The following DPF3 variants were observed in gnomAD, a reference collection of about 807,000 sequenced individuals.
DPF3 encodes zinc finger protein DPF3.
Under a neutral mutation model 56.8 loss-of-function variants are expected in DPF3, and 18 were observed. The ratio of observed to expected loss-of-function variants is 0.32; its 90% CI spans 0.22 to 0.47. DPF3 has a LOEUF of 0.47. Among genes scored for constraint, DPF3 ranks in the 20% least tolerant of loss-of-function variants. The pLI is 1.00. For missense variants in DPF3, 403 were observed against 488.8 expected (o/e 0.82, Z 1.65); for synonymous variants, 188 against 180.2 (o/e 1.04, Z -0.35).
At chr14:72,620,318 G>A (rs956396247) in intron 9 of DPF3, among the ~76,000 whole-genome samples, 4 of 152,170 alleles carry the variant, frequency 2.6e-5, no homozygotes, top group African/African-American at 9.7e-5. Flanking sequence ...CAATAGCTCT[G>A]CTTCCAAAGG....
intron 8 of DPF3, chr14:72,671,504 A>C: frequency 1.0e-6 from 1 of 993,540 alleles, no homozygotes; most frequent in Non-Finnish European, 1.6e-6. Flanking sequence ...ATTTGGGACA[A>C]AGCAAACATT....
chr14:72,612,303 G>C lies in DPF3; in HGVS notation c.*6994C>G, dbSNP rs371495183. Among the ~76,000 whole-genome samples the C allele has an allele frequency of 2.0e-5, 3 of 152,128 alleles. No homozygotes were observed. The highest frequency in any genetic ancestry group is 4.4e-5 in the Non-Finnish European group (3 of 68,020). Reference sequence around the variant, plus strand: ...AATGCCATGTGGACCAGACGCATTGGTGAGCCAGGGACGCCCTGCCTACCT... The same window carrying C: ...AATGCCATGTGGACCAGACGCATTGCTGAGCCAGGGACGCCCTGCCTACCT... On this transcript the variant is annotated 3_prime_UTR_variant, in exon 11 of 11. Transcript: ENST00000556509.
intron 8 of DPF3, among the ~76,000 whole-genome samples, chr14:72,657,560 G>A (rs1412824551): frequency 6.6e-6 from 1 of 152,168 alleles, no homozygotes; most frequent in Non-Finnish European, 1.5e-5. Context: ...AAATGCATCA[G>A]TAGCCTTTCA....
chr14:72,732,041 G>A, intron 3 of DPF3, 107 bp from the exon 4 acceptor site: 5 of 1,410,344 alleles, frequency 3.5e-6, no homozygotes, highest in Non-Finnish European at 4.7e-6. Flanking sequence ...GAGGACTCGG[G>A]GCCTGTGCTC....
intron 1 of DPF3, among the ~76,000 whole-genome samples, chr14:72,787,755 A>C (rs1025546841): frequency 2.0e-5 from 3 of 152,314 alleles, no homozygotes; most frequent in Admixed American, 2.0e-4. Flanking sequence ...AGGCACGGAC[A>C]GTAATGGCAA....
intron 2 of DPF3, among the ~76,000 whole-genome samples, chr14:72,760,838 T>C (rs1052480248): frequency 6.6e-6 from 1 of 152,128 alleles, no homozygotes; most frequent in African/African-American, 2.4e-5. Context: ...ATTAAAAAAC[T>C]ACTTTTAATA....
rs369278398 is a variant in DPF3, at chr14:72,826,297, CG to C, written c.33-54405del. On this transcript the variant is annotated intron_variant, in intron 1 of 10. Transcript: ENST00000556509. ...AAGATGATAATGGTTTTTAATGGCC[CG>C]TAAACAATAGGACCAGCCTTTGTAA... Among the ~76,000 whole-genome samples, 432 of 152,212 alleles carry C rather than the reference CG, an allele frequency of 2.8e-3. 3 individuals carry two copies. Among genetic ancestry groups the C allele is most frequent in the African/African-American group, 9.8e-3 (409 of 41,532 alleles).
intron 1 of DPF3, among the ~76,000 whole-genome samples, chr14:72,845,988 C>T (rs1030875521): frequency 3.3e-5 from 5 of 152,116 alleles, no homozygotes; most frequent in Non-Finnish European, 7.4e-5. Flanking sequence ...CCAGGGCTTT[C>T]CCCAAGAGTA....
intron 6 of DPF3, among the ~76,000 whole-genome samples, chr14:72,704,504 G>A (rs1599371130): frequency 6.6e-6 from 1 of 152,056 alleles, no homozygotes; most frequent in Admixed American, 6.6e-5. Context: ...TGAGTTCCAG[G>A]CTATCCAGTG....
chr14:72,652,051 C>T (rs1480797465), intron 8 of DPF3, among the ~76,000 whole-genome samples: 1 of 152,216 alleles, frequency 6.6e-6, no homozygotes. Flanking sequence ...CTTTCTCAAC[C>T]CCAGTTCTCC....
At chr14:72,834,639 G>C (rs1884212059) in intron 1 of DPF3, among the ~76,000 whole-genome samples, 1 of 152,216 alleles carries the variant, frequency 6.6e-6, no homozygotes, top group Middle Eastern at 3.4e-3. Context: ...CAGCTTGGCA[G>C]TTCCTCAAAA....
intron 6 of DPF3, among the ~76,000 whole-genome samples, chr14:72,702,600 A>C (rs555168825): frequency 6.6e-6 from 1 of 151,394 alleles, no homozygotes; most frequent in Non-Finnish European, 1.5e-5. Context: ...GGCCACCAAC[A>C]CCTCCCAACG....
chr14:72,777,771 A>C (rs960180525), intron 1 of DPF3, among the ~76,000 whole-genome samples: 1 of 152,024 alleles, frequency 6.6e-6, no homozygotes, highest in Non-Finnish European at 1.5e-5. Context: ...ATCATGTGAC[A>C]TGCCTCCTCC....
At chr14:72,881,333 T>TTGTTGTTGTTGC (rs1886315406) in intron 1 of DPF3, among the ~76,000 whole-genome samples, 1 of 148,424 alleles carries the variant, frequency 6.7e-6, no homozygotes, top group South Asian at 2.1e-4. Context: ...GTTGTTGTTG[T>TTGTTGTTGTTGC]TGCTGTTGTT....
At chr14:72,694,174 T>A (rs1887813351) in intron 6 of DPF3, among the ~76,000 whole-genome samples, 1 of 152,024 alleles carries the variant, frequency 6.6e-6, no homozygotes, top group South Asian at 2.1e-4. Context: ...ACCCTCAACC[T>A]CCCCACATAG....
chr14:72,733,604 G>A (rs943973670), intron 3 of DPF3, among the ~76,000 whole-genome samples: 2 of 152,060 alleles, frequency 1.3e-5, no homozygotes, highest in African/African-American at 2.4e-5. Context: ...AGCCTGCTGC[G>A]TCCTCTCCCA....
At chr14:72,788,784 T>G (rs1892314290) in intron 1 of DPF3, among the ~76,000 whole-genome samples, 1 of 152,194 alleles carries the variant, frequency 6.6e-6, no homozygotes, top group Non-Finnish European at 1.5e-5. Context: ...ACAAAGGGGT[T>G]GGTGGGTTGT....
intron 1 of DPF3, among the ~76,000 whole-genome samples, chr14:72,822,918 T>C (rs188267036): frequency 6.6e-6 from 1 of 152,296 alleles, no homozygotes; most frequent in African/African-American, 2.4e-5. Context: ...AATCCAAAAC[T>C]TTTTGAGCAT....
intron 8 of DPF3, among the ~76,000 whole-genome samples, chr14:72,630,027 G>T (rs377163142): frequency 6.6e-6 from 1 of 152,156 alleles, no homozygotes; most frequent in Non-Finnish European, 1.5e-5. Context: ...CAGAGAGAAC[G>T]AGAGAGGAAA....
Sources: allele counts gnomAD v4.1 joint callset (sites outside exome capture counted in the v4.1 genomes callset), GRCh38; gene constraint gnomAD v4.1.1; transcripts MANE v1.5; gene names NCBI Gene and HGNC (gene_info 2026-07-23, HGNC 2026-07-21).